Variants in TMEM144 observed in about 807,000 individuals in gnomAD.
TMEM144 encodes the protein transmembrane protein 144.
TMEM144 carries 39 observed loss-of-function variants against 43.6 expected under a neutral mutation model. That is an observed-to-expected ratio of 0.90 (90% CI 0.69 to 1.17). TMEM144 has a LOEUF of 1.17. Ranked by LOEUF, TMEM144 falls within the 50% of genes most tolerant of loss-of-function variation. TMEM144 has a pLI of 0.00. For missense variants in TMEM144, 417 were observed against 411.9 expected (o/e 1.01, Z -0.11); for synonymous variants, 154 against 133.6 (o/e 1.15, Z -1.06).
At chr4:158,229,930 T>C (rs1225563112) in intron 6 of TMEM144, among the ~76,000 whole-genome samples, 1 of 146,352 alleles carries the variant, frequency 6.8e-6, no homozygotes, top group Non-Finnish European at 1.5e-5. Context: ...TGTTAGATGG[T>C]AATGAGTCCC....
At chr4:158,215,076 C>T (rs1481281205) in intron 3 of TMEM144, 115 bp from the exon 4 acceptor site, 1 of 1,282,928 alleles carries the variant, frequency 7.8e-7, no homozygotes, top group Non-Finnish European at 1.1e-6. Context: ...AAGTCCATGG[C>T]ATATGGCATT....
intron 12 of TMEM144, among the ~76,000 whole-genome samples, chr4:158,246,806 G>GTAAT (rs1472203209): frequency 5.3e-5 from 8 of 151,882 alleles, no homozygotes; most frequent in African/African-American, 1.7e-4. Context: ...TAGTTTATTA[G>GTAAT]TAATTATAGG....
intron 12 of TMEM144, among the ~76,000 whole-genome samples, chr4:158,250,002 G>T (rs1736114119): frequency 6.6e-6 from 1 of 150,700 alleles, no homozygotes; most frequent in African/African-American, 2.4e-5. Flanking sequence ...GGATTAAAGT[G>T]GCTTCTGTTA....
At chr4:158,216,078 C>T (rs568566697) in intron 4 of TMEM144, among the ~76,000 whole-genome samples, 1 of 152,232 alleles carries the variant, frequency 6.6e-6, no homozygotes, top group South Asian at 2.1e-4. Flanking sequence ...TAAAAGAATT[C>T]GCTTTTAAAT....
chr4:158,245,752 G>A (rs962219051), intron 12 of TMEM144, among the ~76,000 whole-genome samples: 5 of 151,878 alleles, frequency 3.3e-5, no homozygotes, highest in Admixed American at 6.6e-5. Context: ...TAGCAAAACC[G>A]CTATCTCTAC....
In TMEM144 at chr4:158,229,318, C is replaced by G. The variant is rs568762236; in HGVS notation, c.414-3583C>G. Among the ~76,000 whole-genome samples, 5 of 152,302 alleles carry G rather than the reference C, an allele frequency of 3.3e-5. No homozygotes were observed. In the East Asian group the frequency reaches 9.7e-4, roughly 30 times the overall value. On this transcript the variant is annotated intron_variant, in intron 6 of 12. Coordinates refer to ENST00000296529, the MANE Select transcript of TMEM144 (RefSeq NM_018342.5). ...CCTATTCATCTGGTTTGCTCCCGCG[C>G]TTAGAGATGTTACTCAAGGAGGCTG...
At chr4:158,230,198 T>C (rs938226210) in intron 6 of TMEM144, among the ~76,000 whole-genome samples, 3 of 152,214 alleles carry the variant, frequency 2.0e-5, no homozygotes, top group African/African-American at 7.2e-5. Context: ...GGTAGCATGC[T>C]CACTCACCAA....
chr4:158,219,257 A>G lies in TMEM144; in HGVS notation c.333-53A>G, dbSNP rs368704671. On this transcript the variant is annotated intron_variant, in intron 5 of 12. Coordinates refer to ENST00000296529, the MANE Select transcript of TMEM144 (RefSeq NM_018342.5). The stretch of plus-strand genomic sequence containing the variant: ...CCCCTAGTCCATGCCCTTAAACATT[A>G]TGGTGAAACATCTTAACAATATTTA... 349 of 1,576,230 alleles carry G rather than the reference A, an allele frequency of 2.2e-4. 1 individual carries two copies. The highest frequency in any genetic ancestry group is 4.4e-5 in the Non-Finnish European group (50 of 1,145,892).
At chr4:158,229,853 AGTG>A (rs1734982025) in intron 6 of TMEM144, among the ~76,000 whole-genome samples, 1 of 152,234 alleles carries the variant, frequency 6.6e-6, no homozygotes, top group Non-Finnish European at 1.5e-5. Context: ...TGGCTCCGGC[AGTG>A]GAAAAGCATG....
chr4:158,212,984 T>C (rs190256857), intron 3 of TMEM144: 137 of 596,046 alleles, frequency 2.3e-4, no homozygotes, highest in African/African-American at 2.3e-3. Flanking sequence ...CATGGTAAAG[T>C]TAGGGAGGGT....
chr4:158,252,066 G>T (rs534333339), intron 12 of TMEM144, among the ~76,000 whole-genome samples: 1 of 152,130 alleles, frequency 6.6e-6, no homozygotes, highest in Non-Finnish European at 1.5e-5. Context: ...TGCCTCCAGG[G>T]ATATATGAGA....
At chr4:158,240,528 GGTGTGTGTGTGTT>G in intron 10 of TMEM144, 110 bp downstream of exon 10, 4 of 1,220,964 alleles carry the variant, frequency 3.3e-6, no homozygotes, top group Non-Finnish European at 4.5e-6. Context: ...GTGTATATGT[GGTGTGTGTGTGTT>G]GTGTGTGTGT....
intron 9 of TMEM144, 132 bp from the exon 10 acceptor site, chr4:158,240,167 G>A: frequency 1.9e-6 from 2 of 1,027,028 alleles, no homozygotes; most frequent in Non-Finnish European, 2.8e-6. Flanking sequence ...TTACAGGTGT[G>A]AGCCACTGCG....
rs142021866 is a variant in TMEM144 at position 158,235,638 on chromosome 4, G to C, written c.563+133G>C. ...TGCAAGCTTTGACTTCTATCTCCATGCGGCGAGGTTTTTTTGTCCCCAGCT... is the reference window on the plus strand; with the variant it reads ...TGCAAGCTTTGACTTCTATCTCCATCCGGCGAGGTTTTTTTGTCCCCAGCT... On this transcript the variant is annotated intron_variant, in intron 8 of 12. Transcript: ENST00000296529. 2,548 of 917,256 alleles carry C rather than the reference G, an allele frequency of 2.8e-3. 40 individuals carry two copies. In the African/African-American group the frequency reaches 0.035, roughly 12 times the overall value. 56.8% of individuals were successfully genotyped at this position (917,256 alleles called of 1,614,324 possible).
intron 7 of TMEM144, chr4:158,233,235 C>G (rs1048123151): frequency 2.4e-5 from 6 of 251,294 alleles, no homozygotes; most frequent in Admixed American, 1.1e-4. Flanking sequence ...ATATATAACC[C>G]CATTTTTGTA....
chr4:158,248,384 A>G (rs1322482786), intron 12 of TMEM144, among the ~76,000 whole-genome samples: 1 of 152,194 alleles, frequency 6.6e-6, no homozygotes, highest in Non-Finnish European at 1.5e-5. Context: ...GTGAGCCAAG[A>G]TTGCACTCTG....
chr4:158,243,090 G>A (rs1459961551), intron 11 of TMEM144, among the ~76,000 whole-genome samples: 1 of 152,194 alleles, frequency 6.6e-6, no homozygotes, highest in East Asian at 1.9e-4. Flanking sequence ...CCTGTACCAT[G>A]TTCTCTGAAG....
At chr4:158,235,156 TGA>T (rs1735277711) in intron 7 of TMEM144, 1 of 290,888 alleles carries the variant, frequency 3.4e-6, no homozygotes. Context: ...AAATGAAACA[TGA>T]GATAATAAGT....
chr4:158,231,677 A>G (rs1560830119), intron 6 of TMEM144, among the ~76,000 whole-genome samples: 1 of 152,128 alleles, frequency 6.6e-6, no homozygotes, highest in African/African-American at 2.4e-5. Flanking sequence ...CAGCTAGGGA[A>G]GAAAGAGAAG....
Sources: gnomAD v4.1 joint callset for allele counts (sites outside exome capture counted in the v4.1 genomes callset) on GRCh38, gnomAD v4.1.1 for gene constraint, MANE v1.5 for transcripts, NCBI Gene and HGNC (gene_info 2026-07-23, HGNC 2026-07-21) for gene names.